GPHN: variants seen among roughly 807,000 people sequenced by gnomAD.
GPHN encodes gephyrin.
GPHN carries 17 observed loss-of-function variants against 95.5 expected under a neutral mutation model. The ratio of observed to expected loss-of-function variants is 0.18; its 90% CI spans 0.12 to 0.27. GPHN has a LOEUF of 0.27. GPHN is among the 10% of genes least tolerant of loss of function. The pLI, the probability that GPHN is intolerant of heterozygous loss-of-function variation, is 1.00. For synonymous variants in GPHN, 320 were observed against 322.5 expected (o/e 0.99, Z 0.08); for missense variants, 660 against 978.1 (o/e 0.67, Z 4.34).
the GPHN span, among the ~76,000 whole-genome samples, chr14:67,262,991 T>A: frequency 5.9e-5 from 9 of 152,204 alleles, no homozygotes; most frequent in African/African-American, 2.2e-4. Flanking sequence ...TTAGATACAT[T>A]TAATCTTTTA....
At chr14:66,628,548 G>A (rs1042472143) in intron 1 of GPHN, among the ~76,000 whole-genome samples, 1 of 152,046 alleles carries the variant, frequency 6.6e-6, no homozygotes, top group East Asian at 1.9e-4. Flanking sequence ...AGGTTGCTTC[G>A]GGTAGGTGAG....
chr14:67,221,945 C>T, the GPHN span: 9 of 1,088,132 alleles, frequency 8.3e-6, no homozygotes, highest in Non-Finnish European at 1.2e-5. Flanking sequence ...CTTCACTATG[C>T]TCCATTCTGA....
chr14:66,888,374 A>T (rs2064307311), intron 5 of GPHN, among the ~76,000 whole-genome samples: 1 of 152,226 alleles, frequency 6.6e-6, no homozygotes, highest in Admixed American at 6.5e-5. Flanking sequence ...ACTTGTCCTC[A>T]GACATGCATT....
intron 13 of GPHN, 95 bp from the exon 14 acceptor site, chr14:67,110,045 T>C (rs2078278393): frequency 2.7e-6 from 3 of 1,098,800 alleles, no homozygotes; most frequent in Non-Finnish European, 4.1e-6. Flanking sequence ...TCTTTTATGG[T>C]TTATTTTTTA....
chr14:66,995,963 A>G (rs1019403696), intron 9 of GPHN, among the ~76,000 whole-genome samples: 4 of 125,598 alleles, frequency 3.2e-5, no homozygotes, highest in African/African-American at 1.9e-4. Flanking sequence ...CATCTCCATC[A>G]TGGATTTTTT....
the GPHN span, among the ~76,000 whole-genome samples, chr14:67,419,713 G>A: frequency 6.6e-6 from 1 of 152,156 alleles, no homozygotes; most frequent in Non-Finnish European, 1.5e-5. Context: ...GCCGGGCGTG[G>A]TGGCGGGCTC....
the GPHN span, among the ~76,000 whole-genome samples, chr14:67,453,408 G>T: frequency 6.6e-6 from 1 of 152,238 alleles, no homozygotes; most frequent in Non-Finnish European, 1.5e-5. Flanking sequence ...CAGAGGGCCT[G>T]CCTGGGGCTC....
At chr14:67,332,978 A>G in the GPHN span, 4 of 1,588,282 alleles carry the variant, frequency 2.5e-6, no homozygotes, top group Non-Finnish European at 3.4e-6. Flanking sequence ...ATTCTGTGGC[A>G]TGTTGGACTT....
chr14:67,720,434 G>C, the GPHN span, among the ~76,000 whole-genome samples: 1 of 152,162 alleles, frequency 6.6e-6, no homozygotes, highest in African/African-American at 2.4e-5. Flanking sequence ...CTCTAAAAAT[G>C]TGTCCAGTGG....
the GPHN span, chr14:67,729,848 G>C: frequency 2.2e-6 from 1 of 460,318 alleles, no homozygotes; most frequent in East Asian, 6.6e-5. Context: ...AGAAATTTTA[G>C]TGCTGAATCT....
intron 4 of GPHN, among the ~76,000 whole-genome samples, chr14:66,833,861 A>G (rs1019104970): frequency 4.6e-5 from 7 of 152,158 alleles, no homozygotes; most frequent in East Asian, 1.9e-4. Context: ...TGTCAGTGCT[A>G]TATCTTAATT....
the GPHN span, among the ~76,000 whole-genome samples, chr14:67,269,503 A>G: frequency 6.6e-6 from 1 of 152,188 alleles, no homozygotes; most frequent in Non-Finnish European, 1.5e-5. Flanking sequence ...ACTAATATAC[A>G]ACAACATAAA....
At chr14:67,406,958 A>G in the GPHN span, among the ~76,000 whole-genome samples, 1 of 152,110 alleles carries the variant, frequency 6.6e-6, no homozygotes, top group Non-Finnish European at 1.5e-5. Flanking sequence ...GCTGGCTGGA[A>G]CCAGAGGCCA....
chr14:66,969,791 ACTCT>A (rs1301677657), intron 9 of GPHN: 1 of 150,440 alleles, frequency 6.6e-6, no homozygotes, highest in Non-Finnish European at 1.5e-5. Flanking sequence ...ACAGAACAAA[ACTCT>A]CTCTCCAGGA....
intron 3 of GPHN, among the ~76,000 whole-genome samples, chr14:66,790,087 C>G (rs1432897314): frequency 6.6e-6 from 1 of 152,196 alleles, no homozygotes; most frequent in Admixed American, 6.5e-5. Flanking sequence ...CTGTTTTTCC[C>G]TAGGCTGTTA....
At chr14:67,364,009 A>C in the GPHN span, 1 of 152,196 alleles carries the variant, frequency 6.6e-6, no homozygotes. Context: ...AAAGGGAATA[A>C]TTGTAAATAT....
At chr14:67,546,680 G>A in the GPHN span, among the ~76,000 whole-genome samples, 171 of 152,276 alleles carry the variant, frequency 1.1e-3, no homozygotes, top group Middle Eastern at 6.8e-3. Flanking sequence ...GTGAGCCACC[G>A]TGCCCAGGCA....
At chr14:66,751,100 T>G (rs1480807530) in intron 2 of GPHN, among the ~76,000 whole-genome samples, 1 of 151,984 alleles carries the variant, frequency 6.6e-6, no homozygotes, top group African/African-American at 2.4e-5. Context: ...CGTCATGATC[T>G]TCTAAAGCCT....
intron 2 of GPHN, among the ~76,000 whole-genome samples, chr14:66,691,193 T>A (rs186690541): frequency 2.6e-3 from 402 of 152,056 alleles, no homozygotes; most frequent in Middle Eastern, 0.017. Flanking sequence ...TTTATTTTTT[T>A]TTTTTATTTT....
Sources: allele counts gnomAD v4.1 joint callset (sites outside exome capture counted in the v4.1 genomes callset), GRCh38; gene constraint gnomAD v4.1.1; transcripts MANE v1.5; gene names NCBI Gene and HGNC (gene_info 2026-07-23, HGNC 2026-07-21).